The following DHDDS variants were observed in gnomAD, a reference collection of about 807,000 sequenced individuals.
DHDDS encodes the protein dehydrodolichyl diphosphate synthase complex subunit DHDDS.
DHDDS carries 16 observed loss-of-function variants against 46.2 expected under a neutral mutation model. The ratio of observed to expected loss-of-function variants is 0.35; its 90% confidence interval spans 0.23 to 0.53. DHDDS has a LOEUF of 0.53. Among genes scored for constraint, DHDDS ranks in the 20% least tolerant of loss-of-function variants. DHDDS has a pLI of 0.94. For missense variants in DHDDS, 340 were observed against 423.7 expected (o/e 0.80, Z 1.73); for synonymous variants, 151 against 163.1 (o/e 0.93, Z 0.56).
At chr1:26,447,809 A>G in intron 6 of DHDDS, 149 bp downstream of exon 6, 1 of 712,022 alleles carries the variant, frequency 1.4e-6, no homozygotes. Flanking sequence ...CCTGGCCAAC[A>G]TGGCAAAACT....
At chr1:26,433,574 A>G (rs929435481) in intron 2 of DHDDS, among the ~76,000 whole-genome samples, 1 of 151,568 alleles carries the variant, frequency 6.6e-6, no homozygotes, top group Non-Finnish European at 1.5e-5. Flanking sequence ...TCTTGAGCCC[A>G]GGTCAAAGCT....
intron 2 of DHDDS, among the ~76,000 whole-genome samples, chr1:26,436,875 T>G (rs2075163147): frequency 6.6e-6 from 1 of 152,038 alleles, no homozygotes; most frequent in Admixed American, 6.6e-5. Flanking sequence ...TGCCTCTTCT[T>G]AACCGCGTGA....
intron 7 of DHDDS, among the ~76,000 whole-genome samples, chr1:26,458,679 A>G (rs1326715440): frequency 1.4e-5 from 2 of 146,934 alleles, no homozygotes; most frequent in African/African-American, 5.0e-5. Context: ...CAGAGGTTGC[A>G]GTGAGGCGAG....
At chr1:26,441,587 AC>A (rs1010841636) in intron 3 of DHDDS, among the ~76,000 whole-genome samples, 1 of 151,862 alleles carries the variant, frequency 6.6e-6, no homozygotes, top group Non-Finnish European at 1.5e-5. Flanking sequence ...TCTAACCCAT[AC>A]CCCTGTCAAG....
At chr1:26,455,817 C>T (rs904253445) in intron 6 of DHDDS, among the ~76,000 whole-genome samples, 1 of 152,132 alleles carries the variant, frequency 6.6e-6, no homozygotes, top group African/African-American at 2.4e-5. Flanking sequence ...GAACACTCAG[C>T]CCAGATCTTT....
rs563417946 is a variant in DHDDS, at chr1:26,443,349, T to C, written c.323+476T>C. On this transcript the variant is annotated intron_variant, in intron 4 of 8. Transcript: ENST00000236342. ...GTTAAAGAAAACATTGAGGAAGTCA[T>C]TTTCTGCTGCACAGTGAACCCTAAA... 3.9e-5 allele frequency among the ~76,000 whole-genome samples: 6 copies of C among 152,288 alleles called. No individual in the cohort carries two copies. In the South Asian group the frequency reaches 1.2e-3, roughly 32 times the overall value.
chr1:26,451,966 C>T (rs2075325605), intron 6 of DHDDS, among the ~76,000 whole-genome samples: 1 of 151,996 alleles, frequency 6.6e-6, no homozygotes, highest in Non-Finnish European at 1.5e-5. Flanking sequence ...AGGCTGATCT[C>T]GAACTCCTGA....
At chr1:26,453,985 GCT>G (rs2075345871) in intron 6 of DHDDS, among the ~76,000 whole-genome samples, 1 of 151,478 alleles carries the variant, frequency 6.6e-6, no homozygotes, top group Admixed American at 6.6e-5. Context: ...ATGGAGTCTT[GCT>G]CTGTCACCCA....
intron 3 of DHDDS, among the ~76,000 whole-genome samples, chr1:26,440,785 C>G (rs983601203): frequency 6.6e-6 from 1 of 152,168 alleles, no homozygotes; most frequent in Non-Finnish European, 1.5e-5. Context: ...CAGCTTGTTT[C>G]TTCTGTTCTG....
chr1:26,459,894 G>GCAGCTA, intron 7 of DHDDS, 143 bp from the exon 8 acceptor site: 1 of 727,634 alleles, frequency 1.4e-6, no homozygotes. Context: ...AGCAGCAGCT[G>GCAGCTA]CAGCTACAGC....
intron 3 of DHDDS, among the ~76,000 whole-genome samples, chr1:26,439,173 C>A (rs942680827): frequency 6.6e-6 from 1 of 152,090 alleles, no homozygotes; most frequent in Admixed American, 6.6e-5. Flanking sequence ...TCAGGTGATC[C>A]ACCCCCTTCA....
chr1:26,462,245 T>C (rs983684918), intron 8 of DHDDS, among the ~76,000 whole-genome samples: 2 of 151,890 alleles, frequency 1.3e-5, no homozygotes, highest in African/African-American at 4.8e-5. Context: ...GGTCTTGAAC[T>C]CTTAAGCTCA....
intron 2 of DHDDS, among the ~76,000 whole-genome samples, chr1:26,434,021 A>G (rs531524265): frequency 2.0e-5 from 3 of 152,316 alleles, no homozygotes; most frequent in South Asian, 2.1e-4. Flanking sequence ...GGACTGAGCC[A>G]CTGCACCTGG....
intron 8 of DHDDS, among the ~76,000 whole-genome samples, chr1:26,464,458 T>C (rs547659255): frequency 6.6e-6 from 1 of 152,306 alleles, no homozygotes; most frequent in Non-Finnish European, 1.5e-5. Context: ...AAAGTTATAA[T>C]AGAGATACTG....
rs1272594778 is a variant in DHDDS at position 26,447,629 on chromosome 1, T to TG, written c.517dup (p.Val173GlyfsTer10). On this transcript the variant is annotated frameshift_variant, in exon 6 of 9. Transcript: ENST00000236342. LOFTEE classifies it high-confidence loss of function. ...CAGCAATGCTGTGAGAGAGATGGCCTGGGGGGTGGAGCAAGGCCTGTTGGA... is the reference window on the plus strand; with the variant it reads ...CAGCAATGCTGTGAGAGAGATGGCCTGGGGGGGTGGAGCAAGGCCTGTTGGA... 2 of 1,614,016 alleles carry TG rather than the reference T, an allele frequency of 1.2e-6. No homozygotes were observed. Among genetic ancestry groups the TG allele is most frequent in the Non-Finnish European group, 1.7e-6 (2 of 1,180,016 alleles).
chr1:26,442,953 G>C (rs1276806508), intron 4 of DHDDS, 80 bp downstream of exon 4: 44 of 1,607,828 alleles, frequency 2.7e-5, no homozygotes, highest in Non-Finnish European at 3.7e-5. Flanking sequence ...TGTTATCTGA[G>C]GCTTACTTAA....
chr1:26,456,725 A>C (rs572492335), intron 6 of DHDDS, among the ~76,000 whole-genome samples: 2 of 152,242 alleles, frequency 1.3e-5, no homozygotes, highest in Non-Finnish European at 2.9e-5. Context: ...TCAAACAATA[A>C]CAGAAGTACA....
At chr1:26,454,964 T>G in intron 6 of DHDDS, 1 of 1,597,648 alleles carries the variant, frequency 6.3e-7, no homozygotes. Context: ...CCAGCCCCAC[T>G]GCTTGGCCTG....
At chr1:26,443,044 A>T in intron 4 of DHDDS, 171 bp downstream of exon 4, 2 of 1,151,098 alleles carry the variant, frequency 1.7e-6, no homozygotes, top group Non-Finnish European at 2.3e-6. Context: ...TTCATTCTTT[A>T]TTTCTAACTT....
Sources: allele counts gnomAD v4.1 joint callset (sites outside exome capture counted in the v4.1 genomes callset), GRCh38; gene constraint gnomAD v4.1.1; transcripts MANE v1.5; gene names NCBI Gene and HGNC (gene_info 2026-07-23, HGNC 2026-07-21).